LRMDA: variants seen among roughly 807,000 people sequenced by gnomAD.
LRMDA encodes the protein leucine-rich melanocyte differentiation-associated protein.
Under a neutral mutation model 29.8 loss-of-function variants are expected in LRMDA, and 18 were observed. The observed-to-expected ratio is 0.60, with a 90% CI of 0.42 to 0.90. LRMDA has a LOEUF of 0.90. LRMDA is among the 40% of genes least tolerant of loss of function. The probability of loss-of-function intolerance (pLI) is 0.00; values close to 1 mark genes in which losing one functional copy is unlikely to be tolerated. For synonymous variants in LRMDA, 125 were observed against 109.4 expected (o/e 1.14, Z -0.89); for missense variants, 273 against 273.9 (o/e 1.00, Z 0.02).
intron 6 of LRMDA, among the ~76,000 whole-genome samples, chr10:76,475,308 T>C (rs1842656367): frequency 6.6e-6 from 1 of 151,810 alleles, no homozygotes. Context: ...ATATATATTT[T>C]AACGTAGTAA....
intron 6 of LRMDA, among the ~76,000 whole-genome samples, chr10:76,427,278 T>C (rs1022288312): frequency 2.0e-5 from 3 of 152,064 alleles, no homozygotes; most frequent in African/African-American, 7.3e-5. Flanking sequence ...TTTTATTTCA[T>C]TGAGCAGTGG....
At chr10:75,903,188 C>T (rs1845704159) in intron 2 of LRMDA, among the ~76,000 whole-genome samples, 2 of 152,206 alleles carry the variant, frequency 1.3e-5, no homozygotes, top group African/African-American at 2.4e-5. Flanking sequence ...CTAAATTTTC[C>T]ACCATGGAGG....
chr10:76,247,511 C>T (rs962808712), intron 5 of LRMDA, among the ~76,000 whole-genome samples: 7 of 152,094 alleles, frequency 4.6e-5, no homozygotes, highest in East Asian at 1.9e-4. Flanking sequence ...GATTCAGCTG[C>T]GGATAAAACT....
At chr10:75,801,242 T>C (rs1470540413) in intron 2 of LRMDA, among the ~76,000 whole-genome samples, 2 of 152,236 alleles carry the variant, frequency 1.3e-5, no homozygotes, top group African/African-American at 4.8e-5. Flanking sequence ...TGAGGAGATG[T>C]ATGCAGATTT....
At chr10:76,377,048 G>T (rs769293668) in intron 6 of LRMDA, among the ~76,000 whole-genome samples, 5 of 151,678 alleles carry the variant, frequency 3.3e-5, no homozygotes, top group Admixed American at 6.6e-5. Flanking sequence ...ACCACACCTG[G>T]CTAATTTTTT....
chr10:75,876,207 G>C (rs1347193676), intron 2 of LRMDA, among the ~76,000 whole-genome samples: 1 of 152,248 alleles, frequency 6.6e-6, no homozygotes, highest in Non-Finnish European at 1.5e-5. Flanking sequence ...TCAGCCTGAA[G>C]AGTGTCCTGG....
At chr10:75,594,539 T>C (rs1393659638) in intron 2 of LRMDA, among the ~76,000 whole-genome samples, 8 of 152,240 alleles carry the variant, frequency 5.3e-5, no homozygotes, top group Admixed American at 3.9e-4. Context: ...AGGCATCATA[T>C]GGTTTGCAAT....
At chr10:76,479,312 T>C (rs1398886798) in intron 6 of LRMDA, among the ~76,000 whole-genome samples, 1 of 151,814 alleles carries the variant, frequency 6.6e-6, no homozygotes, top group Non-Finnish European at 1.5e-5. Context: ...AGAGCGACTT[T>C]ATTAGTGGTT....
chr10:75,645,927 A>C (rs566661013), intron 2 of LRMDA, among the ~76,000 whole-genome samples: 1 of 148,062 alleles, frequency 6.8e-6, no homozygotes, highest in Non-Finnish European at 1.5e-5. Context: ...TTGTCTCTCT[A>C]TCTTTGTCTC....
rs533888320 is a variant in LRMDA, at chr10:76,212,269, A to ACACACACAT, written c.517-112132_517-112131insCACACACAT. ...CACACACACACACACACACACACAT[A>ACACACACAT]AAAAAAAAAAACTATAGAGAAATAT... On this transcript the variant is annotated intron_variant, in intron 5 of 6. Transcript: ENST00000611255. 5.2e-4 allele frequency among the ~76,000 whole-genome samples: 70 copies of ACACACACAT among 135,374 alleles called. 1 individual carries two copies. Among genetic ancestry groups the ACACACACAT allele is most frequent in the East Asian group, 4.4e-3 (21 of 4,762 alleles). The allele number at this position is 135,374 out of a possible 152,430, so 88.8% of individuals were successfully genotyped here.
chr10:75,782,500 C>T (rs1259992219), intron 2 of LRMDA, among the ~76,000 whole-genome samples: 5 of 151,926 alleles, frequency 3.3e-5, no homozygotes, highest in Non-Finnish European at 5.9e-5. Flanking sequence ...GATTTTTCAC[C>T]GGCTTCTTCC....
intron 2 of LRMDA, among the ~76,000 whole-genome samples, chr10:75,509,765 T>C (rs1003151714): frequency 2.6e-5 from 4 of 152,240 alleles, no homozygotes; most frequent in African/African-American, 9.6e-5. Context: ...CCTCAGTTTC[T>C]CTATCTGCAA....
At chr10:75,947,774 C>T (rs1846501925) in intron 2 of LRMDA, among the ~76,000 whole-genome samples, 1 of 152,198 alleles carries the variant, frequency 6.6e-6, no homozygotes, top group African/African-American at 2.4e-5. Flanking sequence ...CACACACATA[C>T]TTCACGGTAC....
chr10:76,356,987 C>G (rs771601746), intron 6 of LRMDA, among the ~76,000 whole-genome samples: 3 of 151,960 alleles, frequency 2.0e-5, no homozygotes, highest in Non-Finnish European at 4.4e-5. Flanking sequence ...TGGTGGAGAA[C>G]TAGGAAAATA....
chr10:76,049,225 G>A (rs750281457), intron 4 of LRMDA, among the ~76,000 whole-genome samples: 10 of 152,320 alleles, frequency 6.6e-5, no homozygotes, highest in Non-Finnish European at 1.3e-4. Flanking sequence ...CCCTTGGAAG[G>A]AGTTGAGGGG....
At chr10:75,903,608 A>G (rs894384742) in intron 2 of LRMDA, among the ~76,000 whole-genome samples, 8 of 152,220 alleles carry the variant, frequency 5.3e-5, no homozygotes, top group African/African-American at 1.4e-4. Context: ...GATGACTAGG[A>G]TCCTTGAATG....
At chr10:76,237,262 T>C (rs1046748490) in intron 5 of LRMDA, among the ~76,000 whole-genome samples, 1 of 152,328 alleles carries the variant, frequency 6.6e-6, no homozygotes, top group African/African-American at 2.4e-5. Flanking sequence ...TATATTTTTA[T>C]ATATGTCAGA....
intron 6 of LRMDA, among the ~76,000 whole-genome samples, chr10:76,376,907 A>T (rs1377773210): frequency 3.2e-5 from 2 of 62,048 alleles, no homozygotes; most frequent in African/African-American, 5.4e-5. Context: ...TTTTTTTGAG[A>T]CGTAGTCTCG....
Position 76,037,723 on chromosome 10 carries a change from A to G in LRMDA, c.258+1589A>G, listed in dbSNP as rs549243999. ...TTTTCAAGTCTCTCCTTATAGGGGC[A>G]CTGATCCCATCAGAGAGATCTACCC... On this transcript the variant is annotated intron_variant, in intron 3 of 6. Coordinates refer to ENST00000611255, the MANE Select transcript of LRMDA (RefSeq NM_001305581.2). Among the ~76,000 whole-genome samples the G allele has an allele frequency of 6.2e-4, 93 of 151,164 alleles. No individual in the cohort carries two copies. The South Asian group carries it at 0.019, about 31-fold the overall frequency.
Sources: allele counts gnomAD v4.1 joint callset (sites outside exome capture counted in the v4.1 genomes callset), GRCh38; gene constraint gnomAD v4.1.1; transcripts MANE v1.5; gene names NCBI Gene and HGNC (gene_info 2026-07-23, HGNC 2026-07-21).